The following ASAP1 variants were observed in gnomAD, a reference collection of about 807,000 sequenced individuals.
The protein encoded by ASAP1 is arf-GAP with SH3 domain, ANK repeat and PH domain-containing protein 1.
Under a neutral mutation model 145.2 loss-of-function variants are expected in ASAP1, and 43 were observed. The ratio of observed to expected loss-of-function variants is 0.30; its 90% CI spans 0.23 to 0.38. ASAP1 has a LOEUF of 0.38. Ranked by LOEUF, ASAP1 falls within the 10% of genes least tolerant of loss-of-function variation. ASAP1 has a pLI of 1.00. For synonymous variants in ASAP1, 546 were observed against 515.5 expected, an observed-to-expected ratio of 1.06 and a Z score of -0.80; for missense variants, 1,018 against 1,355.3, an observed-to-expected ratio of 0.75 and a Z score of 3.91.
At chr8:130,384,331 G>A (rs147641354) in intron 2 of ASAP1, among the ~76,000 whole-genome samples, 200 of 152,312 alleles carry the variant, frequency 1.3e-3, no homozygotes, top group African/African-American at 4.6e-3. Context: ...AGCTGTCATT[G>A]CTATGTAATT....
At chr8:130,433,305 T>C (rs1830201599) in intron 1 of ASAP1, among the ~76,000 whole-genome samples, 1 of 152,210 alleles carries the variant, frequency 6.6e-6, no homozygotes, top group African/African-American at 2.4e-5. Context: ...AGCCAGCACA[T>C]TCCTACCACA....
At chr8:130,207,883 A>T (rs1816325496) in intron 5 of ASAP1, among the ~76,000 whole-genome samples, 1 of 152,202 alleles carries the variant, frequency 6.6e-6, no homozygotes, top group Non-Finnish European at 1.5e-5. Flanking sequence ...TTAGAGGAAG[A>T]AATTAGAAAA....
chr8:130,353,766 G>A (rs955690421), intron 3 of ASAP1, among the ~76,000 whole-genome samples: 15 of 152,202 alleles, frequency 9.9e-5, no homozygotes, highest in Admixed American at 9.8e-4. Flanking sequence ...GCTGCCCCAG[G>A]AGGCAGAGGT....
At chr8:130,195,236 C>T (rs1024800798) in intron 5 of ASAP1, 3 of 151,914 alleles carry the variant, frequency 2.0e-5, no homozygotes, top group African/African-American at 4.8e-5. Flanking sequence ...GCAAACAACA[C>T]ATTTAAAATC....
At chr8:130,213,973 A>G (rs1189550127) in intron 5 of ASAP1, among the ~76,000 whole-genome samples, 1 of 152,108 alleles carries the variant, frequency 6.6e-6, no homozygotes, top group Non-Finnish European at 1.5e-5. Flanking sequence ...AGTGTCTCAG[A>G]TCGTTAGGGA....
At chr8:130,220,083 C>A (rs956141256) in intron 4 of ASAP1, among the ~76,000 whole-genome samples, 5 of 152,160 alleles carry the variant, frequency 3.3e-5, no homozygotes, top group Admixed American at 6.5e-5. Flanking sequence ...AGCCACCACG[C>A]CTGGCCTGCA....
In ASAP1 at chr8:130,153,363, A is replaced by G. The variant is rs1403037825; in HGVS notation, c.1011-558T>C. On this transcript the variant is annotated intron_variant, in intron 12 of 29. Coordinates refer to ENST00000518721, the MANE Select transcript of ASAP1 (RefSeq NM_018482.4). ...TATATATATATATATATATATGTAT[A>G]TATATATATATATATATATATTTTG... Among the ~76,000 whole-genome samples, 39 of 87,222 alleles carry G rather than the reference A, an allele frequency of 4.5e-4. 1 individual carries two copies. The East Asian group carries it at 6.3e-3, about 14-fold the overall frequency. The allele number at this position is 87,222 out of a possible 152,430, so 57.2% of individuals were successfully genotyped here. A position where few individuals can be genotyped will look rare whatever the true frequency, so the allele number is the denominator to read the frequency against.
chr8:130,054,836 G>A, intron 29 of ASAP1, 31 bp from the exon 30 acceptor site: 2 of 1,589,810 alleles, frequency 1.3e-6, no homozygotes, highest in Non-Finnish European at 1.7e-6. Context: ...GGTCAGGATG[G>A]AGGCAGCAGG....
chr8:130,410,930 C>T lies in ASAP1; in HGVS notation c.-27-8960G>A, dbSNP rs903803418. Among the ~76,000 whole-genome samples, 11 of 152,248 alleles carry T rather than the reference C, an allele frequency of 7.2e-5. No individual in the cohort carries two copies. In the South Asian group the frequency reaches 1.2e-3, roughly 17 times the overall value. ...GGCTGGAGTGCAGTGACGTAATCTC[C>T]GCTCACTGCAACCTCCGTCTCCCGG... is the stretch of plus-strand genomic sequence containing the variant. On this transcript the variant is annotated intron_variant, in intron 1 of 29. Coordinates refer to ENST00000518721, the MANE Select transcript of ASAP1 (RefSeq NM_018482.4).
At chr8:130,252,907 G>A (rs1819289797) in intron 3 of ASAP1, among the ~76,000 whole-genome samples, 1 of 151,782 alleles carries the variant, frequency 6.6e-6, no homozygotes, top group African/African-American at 2.4e-5. Flanking sequence ...CATCTTTTCA[G>A]GACAGTAAGA....
chr8:130,153,332 A>AATATATATATATATATAT (rs67554567), intron 12 of ASAP1, among the ~76,000 whole-genome samples: 2 of 87,514 alleles, frequency 2.3e-5, no homozygotes, highest in African/African-American at 8.8e-5. Context: ...CTGCTTTTTA[A>AATATATATATATATATAT]ATATATATAT....
At position 130,284,878 on chromosome 8, in the gene ASAP1, C is replaced by G. The variant is rs577484302; in HGVS notation, c.187-47884G>C. On this transcript the variant is annotated intron_variant, in intron 3 of 29. Transcript: ENST00000518721. ...ACACACACACACACACACACACACA[C>G]ACCATACTGAGAGAGAGAGAGAAAG... Among the ~76,000 whole-genome samples the G allele has an allele frequency of 8.8e-5, 13 of 147,418 alleles. No individual in the cohort carries two copies. In the East Asian group the frequency reaches 2.7e-3, roughly 31 times the overall value.
chr8:130,060,038 A>G (rs2097414644), intron 28 of ASAP1, among the ~76,000 whole-genome samples: 1 of 142,420 alleles, frequency 7.0e-6, no homozygotes, highest in Non-Finnish European at 1.5e-5. Flanking sequence ...TGATCGCACC[A>G]CTGCACTCCA....
chr8:130,262,414 A>AAAAGAG (rs1819970928), intron 3 of ASAP1, among the ~76,000 whole-genome samples: 1 of 85,534 alleles, frequency 1.2e-5, no homozygotes, highest in Non-Finnish European at 2.3e-5. Flanking sequence ...AAAAAAAAAA[A>AAAAGAG]AAAGAGAGAG....
At chr8:130,096,963 T>TA (rs1438506202) in intron 24 of ASAP1, among the ~76,000 whole-genome samples, 21 of 151,120 alleles carry the variant, frequency 1.4e-4, no homozygotes, top group Non-Finnish European at 2.2e-4. Context: ...CTGTCTCCAC[T>TA]AAAAAATACA....
At chr8:130,411,732 A>G (rs1025811640) in intron 1 of ASAP1, among the ~76,000 whole-genome samples, 1 of 152,192 alleles carries the variant, frequency 6.6e-6, no homozygotes, top group Admixed American at 6.5e-5. Context: ...TGACAGCCCA[A>G]AACTAGAAAT....
chr8:130,253,549 A>G (rs1819332904), intron 3 of ASAP1, among the ~76,000 whole-genome samples: 1 of 152,216 alleles, frequency 6.6e-6, no homozygotes, highest in South Asian at 2.1e-4. Context: ...CAAGCTCTTT[A>G]GATTAGTGAT....
intron 5 of ASAP1, among the ~76,000 whole-genome samples, chr8:130,212,903 G>A (rs923540399): frequency 4.6e-5 from 7 of 152,156 alleles, no homozygotes; most frequent in Admixed American, 4.6e-4. Context: ...TTTGGTCCTT[G>A]GAAACTAAAG....
chr8:130,135,668 C>T (rs1477769429), intron 14 of ASAP1, among the ~76,000 whole-genome samples: 2 of 152,186 alleles, frequency 1.3e-5, no homozygotes, highest in African/African-American at 4.8e-5. Context: ...ACTGATAGGG[C>T]TTTCATGAGG....
Sources: gnomAD v4.1 joint callset for allele counts (sites outside exome capture counted in the v4.1 genomes callset) on GRCh38, gnomAD v4.1.1 for gene constraint, MANE v1.5 for transcripts, NCBI Gene and HGNC (gene_info 2026-07-23, HGNC 2026-07-21) for gene names.